The following PTPN20 variants were observed in gnomAD, a reference collection of about 807,000 sequenced individuals.
PTPN20 encodes tyrosine-protein phosphatase non-receptor type 20.
PTPN20 carries 9 observed loss-of-function variants against 35.0 expected under a neutral mutation model. The observed-to-expected ratio is 0.26, with a 90% CI of 0.15 to 0.45. The LOEUF (loss-of-function observed/expected upper bound fraction) is 0.45. Ranked by LOEUF, PTPN20 falls within the 20% of genes least tolerant of loss-of-function variation. The pLI, the probability that PTPN20 is intolerant of heterozygous loss-of-function variation, is 1.00. For missense variants in PTPN20, 111 were observed against 312.5 expected, an observed-to-expected ratio of 0.36 and a Z score of 4.86; for synonymous variants, 32 against 100.2, an observed-to-expected ratio of 0.32 and a Z score of 4.06.
At chr10:46,953,914 T>C (rs1351641207) in intron 5 of PTPN20, among the ~76,000 whole-genome samples, 1 of 130,166 alleles carries the variant, frequency 7.7e-6, no homozygotes, top group Admixed American at 7.4e-5. Flanking sequence ...ATCAGAGCAA[T>C]GCTTCCCTTA....
At chr10:46,936,145 G>A (rs1366764665) in intron 2 of PTPN20, among the ~76,000 whole-genome samples, 1 of 151,730 alleles carries the variant, frequency 6.6e-6, no homozygotes, top group African/African-American at 2.4e-5. Flanking sequence ...TTTTTTAACA[G>A]GGTTGTTTGA....
chr10:46,988,754 C>T (rs1473017177), intron 9 of PTPN20, among the ~76,000 whole-genome samples: 3 of 151,990 alleles, frequency 2.0e-5, no homozygotes, highest in Non-Finnish European at 4.4e-5. Flanking sequence ...GGATTATTTC[C>T]ATTTGTTTCT....
At chr10:46,945,605 A>G (rs2044504575) in intron 4 of PTPN20, among the ~76,000 whole-genome samples, 1 of 152,222 alleles carries the variant, frequency 6.6e-6, no homozygotes, top group African/African-American at 2.4e-5. Context: ...GGCAGGTGTA[A>G]TTAAGTTTGT....
At chr10:46,939,975 C>G (rs1259091325) in intron 2 of PTPN20, among the ~76,000 whole-genome samples, 8 of 152,074 alleles carry the variant, frequency 5.3e-5, no homozygotes, top group Non-Finnish European at 4.4e-5. Flanking sequence ...ATTTAAGGCT[C>G]CCATGGTATG....
In PTPN20 at chr10:46,983,794, T is replaced by G. The variant is rs1555172212; in HGVS notation, c.584-436T>G. Among the ~76,000 whole-genome samples the G allele has an allele frequency of 1.4e-5, 2 of 142,746 alleles. 1 individual carries two copies. The highest frequency in any genetic ancestry group is 3.0e-5 in the Non-Finnish European group (2 of 66,982). 93.6% of individuals were successfully genotyped at this position (142,746 alleles called of 152,430 possible). Reference sequence around the variant, plus strand: ...CAACTATCAGATTTTTTTTTTCCCCTGGCCCCTGCTGCTCTGGGTTTGCAG... The same window carrying G: ...CAACTATCAGATTTTTTTTTTCCCCGGGCCCCTGCTGCTCTGGGTTTGCAG... On this transcript the variant is annotated intron_variant, in intron 7 of 10. Transcript: ENST00000374339.
intron 1 of PTPN20, among the ~76,000 whole-genome samples, chr10:46,932,125 G>A (rs1447071134): frequency 6.7e-6 from 1 of 149,876 alleles, no homozygotes; most frequent in Admixed American, 6.6e-5. Flanking sequence ...TGGAGTGGAG[G>A]GGCCATTCAC....
intron 10 of PTPN20, among the ~76,000 whole-genome samples, chr10:47,000,222 C>T (rs2059868274): frequency 6.6e-6 from 1 of 152,138 alleles, no homozygotes; most frequent in Admixed American, 6.5e-5. Context: ...GTTGAGGTCT[C>T]CTCGTGTCCA....
intron 9 of PTPN20, among the ~76,000 whole-genome samples, chr10:46,989,296 A>G (rs1295634455): frequency 3.5e-5 from 3 of 85,118 alleles, no homozygotes; most frequent in Non-Finnish European, 6.6e-5. Flanking sequence ...TATCGTCTTT[A>G]TTGTGTTTAG....
chr10:47,000,047 T>C, intron 10 of PTPN20, 73 bp downstream of exon 10: 2 of 1,586,606 alleles, frequency 1.3e-6, no homozygotes, highest in Non-Finnish European at 1.7e-6. Context: ...ACTTTACCAC[T>C]TAAAAGCTCT....
chr10:47,003,505 A>G (rs2060136797), downstream of PTPN20, among the ~76,000 whole-genome samples: 1 of 152,130 alleles, frequency 6.6e-6, no homozygotes, highest in Non-Finnish European at 1.5e-5. Flanking sequence ...CTTATTATGA[A>G]GTTAAGATAC....
chr10:46,949,433 C>G (rs2046008537), intron 5 of PTPN20, among the ~76,000 whole-genome samples: 1 of 152,326 alleles, frequency 6.6e-6, no homozygotes, highest in Admixed American at 6.5e-5. Context: ...TGAACTGCCA[C>G]AGGGAGCCAG....
intron 3 of PTPN20, among the ~76,000 whole-genome samples, chr10:46,941,749 A>C (rs1305827729): frequency 1.3e-5 from 2 of 149,370 alleles, no homozygotes; most frequent in Admixed American, 6.7e-5. Context: ...TGGCCTATCT[A>C]GGGTGAATTC....
At chr10:46,952,750 A>C (rs1183487541) in intron 5 of PTPN20, among the ~76,000 whole-genome samples, 2 of 151,786 alleles carry the variant, frequency 1.3e-5, no homozygotes, top group Admixed American at 1.3e-4. Context: ...TTACTTAATC[A>C]CCTTGACACA....
rs1188121884 is a variant in PTPN20, at chr10:46,998,708, A to G, written c.1135-1204A>G. On this transcript the variant is annotated intron_variant, in intron 9 of 10. Coordinates refer to ENST00000374339, the MANE Select transcript of PTPN20 (RefSeq NM_001042357.5). ...GAATTAAGCTTTGTGGATTGTCCCA[A>G]TGTCAGTTTCCTGGTTTTGATATTA... 2.6e-5 allele frequency among the ~76,000 whole-genome samples: 4 copies of G among 152,312 alleles called. No individual in the cohort carries two copies. The East Asian group carries it at 7.7e-4, about 29-fold the overall frequency.
intron 5 of PTPN20, among the ~76,000 whole-genome samples, chr10:46,947,574 C>T (rs2045318904): frequency 6.6e-6 from 1 of 151,540 alleles, no homozygotes; most frequent in Non-Finnish European, 1.5e-5. Flanking sequence ...CCAAGGTTTA[C>T]CATCACAATC....
intron 6 of PTPN20, among the ~76,000 whole-genome samples, chr10:46,967,180 G>GGAAA: frequency 7.5e-6 from 1 of 133,856 alleles, no homozygotes; most frequent in East Asian, 2.4e-4. Flanking sequence ...TTCCTTCTAA[G>GGAAA]TACACACTGT....
At chr10:47,000,601 A>G (rs1565655712) in intron 10 of PTPN20, 75 bp from the exon 11 acceptor site, 3 of 1,571,380 alleles carry the variant, frequency 1.9e-6, no homozygotes, top group South Asian at 2.3e-5. Flanking sequence ...TGAAAATTAC[A>G]AATGTGTTTT....
At chr10:46,930,273 C>T (rs2039119567) in intron 1 of PTPN20, among the ~76,000 whole-genome samples, 1 of 116,680 alleles carries the variant, frequency 8.6e-6, no homozygotes, top group Admixed American at 7.8e-5. Context: ...GGTAAAGGAC[C>T]ATTCACATAT....
chr10:46,983,023 TG>T (rs1480067645), intron 7 of PTPN20, among the ~76,000 whole-genome samples: 1 of 151,508 alleles, frequency 6.6e-6, no homozygotes, highest in East Asian at 1.9e-4. Context: ...TTTTTTAGAA[TG>T]GTCTCCCTTT....
Sources: gnomAD v4.1 joint callset for allele counts (sites outside exome capture counted in the v4.1 genomes callset) on GRCh38, gnomAD v4.1.1 for gene constraint, MANE v1.5 for transcripts, NCBI Gene and HGNC (gene_info 2026-07-23, HGNC 2026-07-21) for gene names.